Variants in SRRM3 observed in about 807,000 individuals in gnomAD.
The protein encoded by SRRM3 is serine/arginine repetitive matrix protein 3.
Under a neutral mutation model 66.2 loss-of-function variants are expected in SRRM3, and 27 were observed. The ratio of observed to expected loss-of-function variants is 0.41; its 90% CI spans 0.30 to 0.56. The LOEUF is 0.56. SRRM3 is among the 20% of genes least tolerant of loss of function. SRRM3 has a pLI of 0.32. For synonymous variants in SRRM3, 391 were observed against 414.9 expected (o/e 0.94, Z 0.70); for missense variants, 918 against 991.9 (o/e 0.93, Z 1.00).
intron 1 of SRRM3, among the ~76,000 whole-genome samples, chr7:76,219,825 G>C (rs1800665398): frequency 6.6e-6 from 1 of 152,132 alleles, no homozygotes; most frequent in Admixed American, 6.6e-5. Context: ...CATGAGAATG[G>C]CTGGAACCCA....
At chr7:76,221,056 CTTT>C (rs561559244) in intron 1 of SRRM3, among the ~76,000 whole-genome samples, 1 of 138,146 alleles carries the variant, frequency 7.2e-6, no homozygotes, top group Non-Finnish European at 1.6e-5. Flanking sequence ...TCTTACCCGT[CTTT>C]TTTTTTTTTT....
intron 1 of SRRM3, among the ~76,000 whole-genome samples, chr7:76,210,268 C>A (rs1554601600): frequency 6.6e-6 from 1 of 152,182 alleles, no homozygotes; most frequent in African/African-American, 2.4e-5. Context: ...CACCCCTTCT[C>A]TCATCAGGGC....
At chr7:76,211,265 C>T (rs1488021378) in intron 1 of SRRM3, among the ~76,000 whole-genome samples, 1 of 152,140 alleles carries the variant, frequency 6.6e-6, no homozygotes, top group Non-Finnish European at 1.5e-5. Context: ...GCAGGTTTGC[C>T]AGGCAGAGGC....
At chr7:76,271,749 G>A (rs751121391) in intron 11 of SRRM3, among the ~76,000 whole-genome samples, 40 of 152,148 alleles carry the variant, frequency 2.6e-4, no homozygotes, top group Non-Finnish European at 4.4e-4. Context: ...CACAGTCCAC[G>A]AGCCCTGAGC....
intron 1 of SRRM3, among the ~76,000 whole-genome samples, chr7:76,215,625 G>GTTTTT (rs143948708): frequency 2.5e-5 from 3 of 119,142 alleles, no homozygotes; most frequent in Non-Finnish European, 5.1e-5. Flanking sequence ...GCCCAGTCTG[G>GTTTTT]TTTTTTTTTT....
At chr7:76,252,253 G>T (rs1432637604) in intron 3 of SRRM3, among the ~76,000 whole-genome samples, 2 of 152,212 alleles carry the variant, frequency 1.3e-5, no homozygotes, top group Non-Finnish European at 2.9e-5. Context: ...AGGTCAGCCA[G>T]CGCATTCAAG....
chr7:76,267,247 C>G lies in SRRM3; in HGVS notation c.831-11C>G. The G allele has an allele frequency of 2.6e-6, 4 of 1,529,302 alleles. No homozygotes were observed. Among genetic ancestry groups the G allele is most frequent in the Non-Finnish European group, 3.5e-6 (4 of 1,145,316 alleles). 94.7% of individuals were successfully genotyped at this position (1,529,302 alleles called of 1,614,324 possible). On this transcript the variant is annotated splice_polypyrimidine_tract_variant and intron_variant, in intron 10 of 14. Coordinates refer to ENST00000611745, the MANE Select transcript of SRRM3 (RefSeq NM_001110199.3). Reference sequence around the variant, plus strand: ...GCCGACTCCCCCATTCTTCCTGGCGCCTAACCCCAGGCTGAGCCCCAAGCA... The same window carrying G: ...GCCGACTCCCCCATTCTTCCTGGCGGCTAACCCCAGGCTGAGCCCCAAGCA...
At chr7:76,262,274 G>A (rs1801893122) in intron 8 of SRRM3, among the ~76,000 whole-genome samples, 2 of 152,138 alleles carry the variant, frequency 1.3e-5, no homozygotes, top group African/African-American at 4.8e-5. Flanking sequence ...GGGAGGCTGA[G>A]GCAGGTGGAT....
At chr7:76,204,444 G>A (rs1251790711) in intron 1 of SRRM3, among the ~76,000 whole-genome samples, 1 of 152,132 alleles carries the variant, frequency 6.6e-6, no homozygotes, top group Admixed American at 6.5e-5. Flanking sequence ...TTTCACATAG[G>A]AGAAAAACAA....
intron 2 of SRRM3, among the ~76,000 whole-genome samples, chr7:76,243,408 T>G (rs1801357970): frequency 6.6e-6 from 1 of 152,098 alleles, no homozygotes; most frequent in Non-Finnish European, 1.5e-5. Context: ...TGTCCCCAGC[T>G]TCTCCCAACA....
chr7:76,285,534 C>A lies in SRRM3; in HGVS notation c.1734-81C>A. ...CTCTAAGGCCAGGGCTCAGGGGAAA[C>A]TGAGGCAGGAAGCCCTGGCCGCTGC... On this transcript the variant is annotated intron_variant, in intron 14 of 14. Coordinates refer to ENST00000611745, the MANE Select transcript of SRRM3 (RefSeq NM_001110199.3). The surrounding 1 kb of genome is among the most constrained non-coding windows in gnomAD (Gnocchi z 4.1). 8.4e-7 allele frequency: 1 copy of A among 1,192,944 alleles called. No individual in the cohort carries two copies. Among genetic ancestry groups the A allele is most frequent in the South Asian group, 1.5e-5 (1 of 67,966 alleles). 73.9% of individuals were successfully genotyped at this position (1,192,944 alleles called of 1,614,324 possible). A position where few individuals can be genotyped will look rare whatever the true frequency, so the allele number is the denominator to read the frequency against.
intron 1 of SRRM3, among the ~76,000 whole-genome samples, chr7:76,213,276 G>A (rs1800480291): frequency 1.3e-5 from 2 of 151,976 alleles, no homozygotes; most frequent in Admixed American, 1.3e-4. Flanking sequence ...CTCCCACAGT[G>A]CTAGGATTAC....
chr7:76,251,032 A>G (rs1179556967), intron 3 of SRRM3, among the ~76,000 whole-genome samples: 3 of 152,166 alleles, frequency 2.0e-5, no homozygotes, highest in African/African-American at 7.2e-5. Context: ...TCAGTGGGCC[A>G]TTGTGTTCCT....
At chr7:76,222,479 A>G (rs977731978) in intron 1 of SRRM3, among the ~76,000 whole-genome samples, 2 of 151,294 alleles carry the variant, frequency 1.3e-5, no homozygotes, top group African/African-American at 4.8e-5. Context: ...CCCCAGCTCA[A>G]TACCCTTCAC....
Position 76,229,057 on chromosome 7 carries a change from C to G in SRRM3, c.-39-5971C>G, listed in dbSNP as rs112978372. Among the ~76,000 whole-genome samples, 1,456 of 152,048 alleles carry G rather than the reference C, an allele frequency of 9.6e-3. 23 individuals carry two copies. Among genetic ancestry groups the G allele is most frequent in the African/African-American group, 0.033 (1,373 of 41,488 alleles). On this transcript the variant is annotated intron_variant, in intron 1 of 14. Transcript: ENST00000611745. ...GGGACGACAGGCACCTGCCACTACA[C>G]CCGGCTAATTTTTTGTATATTTAGT...
chr7:76,220,173 G>GAT, intron 1 of SRRM3, among the ~76,000 whole-genome samples: 1 of 152,198 alleles, frequency 6.6e-6, no homozygotes, highest in Non-Finnish European at 1.5e-5. Flanking sequence ...GAGCACTAGG[G>GAT]ATACAGATGT....
intron 8 of SRRM3, among the ~76,000 whole-genome samples, chr7:76,263,905 A>AAAAAAAAAAAAAAAAAG (rs1563633331): frequency 7.0e-6 from 1 of 143,652 alleles, no homozygotes; most frequent in African/African-American, 2.7e-5. Flanking sequence ...AAAAAAAAAA[A>AAAAAAAAAAAAAAAAAG]GCAGGGACAT....
At chr7:76,249,817 C>T (rs1197444064) in intron 3 of SRRM3, among the ~76,000 whole-genome samples, 11 of 152,020 alleles carry the variant, frequency 7.2e-5, no homozygotes, top group South Asian at 2.1e-4. Context: ...GAAGCTGAGG[C>T]GGGAGAATCA....
intron 8 of SRRM3, among the ~76,000 whole-genome samples, chr7:76,264,468 AGC>A: frequency 6.6e-6 from 1 of 152,260 alleles, no homozygotes; most frequent in East Asian, 1.9e-4. Flanking sequence ...GCCCGGCTAT[AGC>A]ACCCCACTTT....
Sources: gnomAD v4.1 joint callset for allele counts (sites outside exome capture counted in the v4.1 genomes callset) on GRCh38, gnomAD v4.1.1 for gene constraint, Gnocchi (gnomAD v3.1) non-coding constraint, MANE v1.5 for transcripts, NCBI Gene and HGNC (gene_info 2026-07-23, HGNC 2026-07-21) for gene names.